Variants in LRRK1 observed in about 807,000 individuals in gnomAD.
LRRK1 encodes the protein leucine rich repeat kinase 1.
Under a neutral mutation model 209.1 loss-of-function variants are expected in LRRK1, and 113 were observed. That is an observed-to-expected ratio of 0.54 (90% confidence interval 0.46 to 0.63). LRRK1 has a LOEUF of 0.63. Among genes scored for constraint, LRRK1 ranks in the 30% least tolerant of loss-of-function variants. LRRK1 has a pLI of 0.00. For synonymous variants in LRRK1, 1,144 were observed against 1,099.7 expected (o/e 1.04, Z -0.80); for missense variants, 2,284 against 2,632.2 (o/e 0.87, Z 2.89).
At chr15:100,930,395 T>G (rs1489793127) in intron 2 of LRRK1, among the ~76,000 whole-genome samples, 1 of 152,172 alleles carries the variant, frequency 6.6e-6, no homozygotes, top group African/African-American at 2.4e-5. Context: ...CAGGGAGAGC[T>G]GCCCCTACCT....
chr15:100,971,680 G>A (rs546081823), intron 2 of LRRK1, among the ~76,000 whole-genome samples: 41 of 152,268 alleles, frequency 2.7e-4, no homozygotes, highest in African/African-American at 9.4e-4. Flanking sequence ...GTACATTTTT[G>A]TTAACTATAG....
chr15:100,941,921 T>C (rs1053024837), intron 2 of LRRK1, among the ~76,000 whole-genome samples: 3 of 152,194 alleles, frequency 2.0e-5, no homozygotes, highest in African/African-American at 4.8e-5. Context: ...GCCCTGCTGG[T>C]GACCTGGGGA....
chr15:101,009,443 TTA>T, intron 7 of LRRK1, among the ~76,000 whole-genome samples: 1 of 152,172 alleles, frequency 6.6e-6, no homozygotes, highest in East Asian at 1.9e-4. Context: ...AGAGAAAGGG[TTA>T]ACTCTGCAGG....
intron 6 of LRRK1, among the ~76,000 whole-genome samples, chr15:100,997,989 G>T (rs1029939848): frequency 6.6e-6 from 1 of 152,014 alleles, no homozygotes; most frequent in Non-Finnish European, 1.5e-5. Flanking sequence ...GACCAGCCTG[G>T]CCAACATGGT....
chr15:100,944,327 C>T (rs2042498106), intron 2 of LRRK1, among the ~76,000 whole-genome samples: 1 of 152,188 alleles, frequency 6.6e-6, no homozygotes, highest in African/African-American at 2.4e-5. Context: ...CTCAGCTATG[C>T]ACCAAAAACC....
intron 30 of LRRK1, 101 bp from the exon 31 acceptor site, chr15:101,062,473 T>C (rs575059209): frequency 1.7e-5 from 14 of 822,722 alleles, no homozygotes; most frequent in South Asian, 2.8e-5. Context: ...CCAAGACCCA[T>C]AGGGGATCCC....
intron 2 of LRRK1, among the ~76,000 whole-genome samples, chr15:100,946,796 T>C (rs989204749): frequency 2.0e-5 from 3 of 152,226 alleles, no homozygotes; most frequent in African/African-American, 7.2e-5. Context: ...TTAGGAGAAC[T>C]TGAATGAATG....
intron 2 of LRRK1, among the ~76,000 whole-genome samples, chr15:100,941,464 C>CTGTGTGTGTG (rs763355554): frequency 1.1e-4 from 10 of 88,828 alleles, no homozygotes; most frequent in East Asian, 6.1e-4. Flanking sequence ...GTCTATGTCT[C>CTGTGTGTGTG]TGTGTGTGTG....
At chr15:101,060,986 C>T (rs992084417) in intron 29 of LRRK1, among the ~76,000 whole-genome samples, 185 bp from the exon 30 acceptor site, 2 of 152,258 alleles carry the variant, frequency 1.3e-5, no homozygotes, top group African/African-American at 4.8e-5. Flanking sequence ...GAATGCCCTT[C>T]CTGCGGGCGA....
rs1169939996 is a variant in LRRK1, at chr15:101,073,470, T to A, written c.*4622T>A. On this transcript the variant is annotated 3_prime_UTR_variant, in exon 34 of 34. Transcript: ENST00000388948. The stretch of plus-strand genomic sequence containing the variant: ...TGTCTCTACCCCTTCTCCGCCTTTC[T>A]GGGGGGCAAGAAACCCCCAACCCCT... 2.6e-5 allele frequency: 4 copies of A among 151,396 alleles called. No individual in the cohort carries two copies. The highest frequency in any genetic ancestry group is 3.2e-3 in the Middle Eastern group (1 of 308). The allele number at this position is 151,396 out of a possible 1,614,324, so 9.4% of individuals were successfully genotyped here.
intron 20 of LRRK1, among the ~76,000 whole-genome samples, chr15:101,040,278 A>AT (rs529147657): frequency 2.5e-4 from 38 of 150,642 alleles, no homozygotes; most frequent in African/African-American, 6.3e-4. Context: ...TTGGTAAGTT[A>AT]TTTTTTTTTC....
intron 2 of LRRK1, among the ~76,000 whole-genome samples, chr15:100,973,473 C>T (rs990333274): frequency 3.9e-5 from 6 of 152,214 alleles, no homozygotes; most frequent in African/African-American, 1.4e-4. Flanking sequence ...TCGCCAAAGC[C>T]CCTGCGCCTC....
chr15:100,947,372 A>C (rs1437081888), intron 2 of LRRK1, among the ~76,000 whole-genome samples: 1 of 152,252 alleles, frequency 6.6e-6, no homozygotes, highest in Non-Finnish European at 1.5e-5. Context: ...TATGGAAAGA[A>C]ATGCAAATGA....
intron 6 of LRRK1, among the ~76,000 whole-genome samples, chr15:100,995,401 T>G (rs2032357602): frequency 1.3e-5 from 2 of 152,144 alleles, no homozygotes; most frequent in African/African-American, 4.8e-5. Context: ...TGGGTTTTGC[T>G]GGTGTTTGGA....
At chr15:100,987,877 G>T (rs1406694241) in intron 4 of LRRK1, among the ~76,000 whole-genome samples, 5 of 152,158 alleles carry the variant, frequency 3.3e-5, no homozygotes, top group African/African-American at 1.2e-4. Flanking sequence ...AGGGGTGAGG[G>T]CAGGGGAGAG....
rs1555468220 is a variant in LRRK1 at position 101,012,903 on chromosome 15, G to GGGA, written c.1419+760_1419+761insAGG. Among the ~76,000 whole-genome samples the GGGA allele has an allele frequency of 5.3e-5, 8 of 152,170 alleles. No homozygotes were observed. In the East Asian group the frequency reaches 1.4e-3, roughly 26 times the overall value. The stretch of plus-strand genomic sequence containing the variant: ...AAGGAGCCACGCGGGGTGCCCCCGG[G>GGGA]GGGGGGTGGTCCCACATCATACTCC... On this transcript the variant is annotated intron_variant, in intron 10 of 33. Transcript: ENST00000388948.
At chr15:101,065,302 G>GGAATGTGTGAAATGGAA in intron 31 of LRRK1, 50 bp from the exon 32 acceptor site, 1 of 1,582,692 alleles carries the variant, frequency 6.3e-7, no homozygotes, top group Non-Finnish European at 8.6e-7. Flanking sequence ...TGTCTCTCTT[G>GGAATGTGTGAAATGGAA]GAATGTGTGA....
chr15:100,981,596 A>G, intron 3 of LRRK1, among the ~76,000 whole-genome samples: 1 of 152,210 alleles, frequency 6.6e-6, no homozygotes, highest in Non-Finnish European at 1.5e-5. Flanking sequence ...TGGATGCAAC[A>G]GAGACTCTTG....
At chr15:101,056,632 T>C (rs1247285560) in intron 27 of LRRK1, among the ~76,000 whole-genome samples, 1 of 151,636 alleles carries the variant, frequency 6.6e-6, no homozygotes, top group Non-Finnish European at 1.5e-5. Flanking sequence ...GGTGGATGGA[T>C]GGATGGAAAG....
Sources: gnomAD v4.1 joint callset for allele counts (sites outside exome capture counted in the v4.1 genomes callset) on GRCh38, gnomAD v4.1.1 for gene constraint, MANE v1.5 for transcripts, NCBI Gene and HGNC (gene_info 2026-07-23, HGNC 2026-07-21) for gene names.